MEGF6: variants seen among roughly 807,000 people sequenced by gnomAD.
The protein encoded by MEGF6 is multiple epidermal growth factor-like domains protein 6.
In MEGF6, 184 loss-of-function variants were observed where a neutral mutation model predicts 207.1. The observed-to-expected ratio is 0.89, with a 90% CI of 0.79 to 1.00. The LOEUF (loss-of-function observed/expected upper bound fraction) is 1.00. Among genes scored for constraint, MEGF6 ranks in the 50% least tolerant of loss-of-function variants. MEGF6 has a pLI of 0.00. For synonymous variants in MEGF6, 1,038 were observed against 910.0 expected (o/e 1.14, Z -2.53); for missense variants, 2,282 against 2,202.9 (o/e 1.04, Z -0.72).
Position 3,558,636 on chromosome 1 carries a change from G to A in MEGF6, c.481+21189C>T, listed in dbSNP as rs116955788. Reference sequence around the variant, plus strand: ...TGTGCGGTCCAACTGCAGCCAATAGGGGAAAAACACAGAAACCAGAACTGC... The same window carrying A: ...TGTGCGGTCCAACTGCAGCCAATAGAGGAAAAACACAGAAACCAGAACTGC... On this transcript the variant is annotated intron_variant, in intron 4 of 36. Transcript: ENST00000356575. 2.7e-4 allele frequency among the ~76,000 whole-genome samples: 41 copies of A among 152,278 alleles called. No homozygotes were observed. In the East Asian group the frequency reaches 6.2e-3, roughly 23 times the overall value.
At chr1:3,558,440 T>C (rs1287105514) in intron 4 of MEGF6, among the ~76,000 whole-genome samples, 2 of 152,130 alleles carry the variant, frequency 1.3e-5, no homozygotes, top group Non-Finnish European at 2.9e-5. Context: ...TTCAATATGT[T>C]GGGACAACTA....
intron 3 of MEGF6, among the ~76,000 whole-genome samples, chr1:3,590,646 G>A (rs1643961562): frequency 6.6e-6 from 1 of 152,210 alleles, no homozygotes; most frequent in Non-Finnish European, 1.5e-5. Context: ...ACGGCCGGGT[G>A]TCCAGGTCAC....
In MEGF6 at chr1:3,595,457, AAG is replaced by A; in HGVS notation, c.267-12_267-11del. 4 of 1,608,016 alleles carry A rather than the reference AAG, an allele frequency of 2.5e-6. No homozygotes were observed. Among genetic ancestry groups the A allele is most frequent in the Non-Finnish European group, 3.4e-6 (4 of 1,175,806 alleles). ...CATGTAGTAGACGGTTCTAGAAAGA[AAG>A]AGAGAAGGGAAGTGCTTACCGTCGC... is the stretch of plus-strand genomic sequence containing the variant. On this transcript the variant is annotated splice_polypyrimidine_tract_variant and intron_variant, in intron 2 of 36. Coordinates refer to ENST00000356575, the MANE Select transcript of MEGF6 (RefSeq NM_001409.4).
chr1:3,507,689 G>T, intron 14 of MEGF6, 106 bp downstream of exon 14: 1 of 1,460,754 alleles, frequency 6.8e-7, no homozygotes, highest in Non-Finnish European at 9.6e-7. Context: ...CAGTTTCCCT[G>T]CTCCAGTGGG....
At chr1:3,615,586 G>C (rs902865642), upstream of MEGF6, among the ~76,000 whole-genome samples, 3 of 152,252 alleles carry the variant, frequency 2.0e-5, no homozygotes, top group African/African-American at 7.2e-5. Context: ...TCACATCCCT[G>C]CGTGTTCTTG....
At chr1:3,499,962 G>A (rs1640788045) in intron 21 of MEGF6, 38 bp from the exon 22 acceptor site, 2 of 1,525,942 alleles carry the variant, frequency 1.3e-6, no homozygotes, top group Non-Finnish European at 8.8e-7. Flanking sequence ...CAGCCAGAGG[G>A]CCAGGAGCCT....
chr1:3,572,414 G>A (rs1643528746), intron 4 of MEGF6, among the ~76,000 whole-genome samples: 1 of 128,978 alleles, frequency 7.8e-6, no homozygotes, highest in Non-Finnish European at 1.6e-5. Context: ...GGGTGTGCTG[G>A]GTTCTCTCAG....
chr1:3,585,520 CAT>C (rs1221645615), intron 3 of MEGF6, among the ~76,000 whole-genome samples: 6 of 136,564 alleles, frequency 4.4e-5, no homozygotes, highest in Non-Finnish European at 9.2e-5. Flanking sequence ...GTGAGTGACA[CAT>C]GTCCTGTTGT....
At chr1:3,606,782 C>T (rs551237854) in intron 1 of MEGF6, among the ~76,000 whole-genome samples, 9 of 152,286 alleles carry the variant, frequency 5.9e-5, no homozygotes, top group African/African-American at 1.4e-4. Flanking sequence ...CATAAAAAAA[C>T]GGAAGCCGGG....
chr1:3,538,822 C>T (rs749004257), intron 4 of MEGF6, among the ~76,000 whole-genome samples: 12 of 152,088 alleles, frequency 7.9e-5, no homozygotes, highest in East Asian at 3.9e-4. Context: ...CCTGAGCCCT[C>T]GAGGGCTGAC....
chr1:3,598,566 C>T (rs1325131583), intron 2 of MEGF6, among the ~76,000 whole-genome samples: 1 of 152,200 alleles, frequency 6.6e-6, no homozygotes, highest in Non-Finnish European at 1.5e-5. Context: ...GCTGACCACC[C>T]CCTCCATCCC....
In MEGF6 at chr1:3,540,353, T is replaced by C. The variant is rs1642476081; in HGVS notation, c.482-16107A>G. On this transcript the variant is annotated intron_variant, in intron 4 of 36. Transcript: ENST00000356575. ...GGAAGGAACACACCTTGCAGCCGGGTTTCCCGCTGCACTGGGAAGACAGCC... is the reference window on the plus strand; with the variant it reads ...GGAAGGAACACACCTTGCAGCCGGGCTTCCCGCTGCACTGGGAAGACAGCC... 2.0e-5 allele frequency among the ~76,000 whole-genome samples: 3 copies of C among 152,146 alleles called. No individual in the cohort carries two copies. In the South Asian group the frequency reaches 6.2e-4, roughly 32 times the overall value.
intron 5 of MEGF6, among the ~76,000 whole-genome samples, chr1:3,522,923 C>T (rs1225038689): frequency 6.6e-6 from 1 of 152,220 alleles, no homozygotes; most frequent in Non-Finnish European, 1.5e-5. Context: ...CCAGAAGCCC[C>T]GCAGGGCAGC....
At chr1:3,552,655 A>G (rs750632190) in intron 4 of MEGF6, among the ~76,000 whole-genome samples, 1 of 152,214 alleles carries the variant, frequency 6.6e-6, no homozygotes, top group Non-Finnish European at 1.5e-5. Flanking sequence ...GTATGGTCAC[A>G]CCACGGCACT....
chr1:3,597,109 C>T (rs1315101062), intron 2 of MEGF6, among the ~76,000 whole-genome samples: 1 of 152,262 alleles, frequency 6.6e-6, no homozygotes, highest in Non-Finnish European at 1.5e-5. Context: ...CAGCCACCAG[C>T]AGCTCACACA....
At chr1:3,554,853 T>C (rs118109626) in intron 4 of MEGF6, among the ~76,000 whole-genome samples, 1 of 152,200 alleles carries the variant, frequency 6.6e-6, no homozygotes, top group Non-Finnish European at 1.5e-5. Context: ...AAGGTCACAG[T>C]TCCCTGAGAT....
chr1:3,529,032 C>T (rs112465040), intron 4 of MEGF6, among the ~76,000 whole-genome samples: 23 of 152,322 alleles, frequency 1.5e-4, no homozygotes, highest in African/African-American at 4.6e-4. Context: ...TCTGCCAGAC[C>T]GGCCCCCCGA....
At chr1:3,507,431 C>T (rs1314725220) in intron 14 of MEGF6, among the ~76,000 whole-genome samples, 1 of 152,198 alleles carries the variant, frequency 6.6e-6, no homozygotes, top group African/African-American at 2.4e-5. Flanking sequence ...CTGCAAACCT[C>T]ACCCAGCCAT....
intron 29 of MEGF6, among the ~76,000 whole-genome samples, 177 bp from the exon 30 acceptor site, chr1:3,496,195 C>T (rs1640599451): frequency 1.3e-5 from 2 of 152,218 alleles, no homozygotes; most frequent in African/African-American, 4.8e-5. Context: ...CACCCGCAGG[C>T]CTGCTGGGGG....
Sources: gnomAD v4.1 joint callset for allele counts (sites outside exome capture counted in the v4.1 genomes callset) on GRCh38, gnomAD v4.1.1 for gene constraint, MANE v1.5 for transcripts, NCBI Gene and HGNC (gene_info 2026-07-23, HGNC 2026-07-21) for gene names.